Variants in SMYD3 observed in about 807,000 individuals in gnomAD.
SMYD3 encodes SET and MYND domain containing 3.
SMYD3 carries 36 observed loss-of-function variants against 57.7 expected under a neutral mutation model. The ratio of observed to expected loss-of-function variants is 0.62; its 90% CI spans 0.48 to 0.82. The LOEUF (loss-of-function observed/expected upper bound fraction) is 0.82. Ranked by LOEUF, SMYD3 falls within the 40% of genes least tolerant of loss-of-function variation. The probability of loss-of-function intolerance (pLI) is 0.00; values close to 1 mark genes in which losing one functional copy is unlikely to be tolerated. For missense variants in SMYD3, 515 were observed against 538.8 expected, an observed-to-expected ratio of 0.96 and a Z score of 0.44; for synonymous variants, 211 against 195.0, an observed-to-expected ratio of 1.08 and a Z score of -0.68.
At chr1:245,915,180 G>A (rs1009043440) in intron 8 of SMYD3, among the ~76,000 whole-genome samples, 3 of 152,050 alleles carry the variant, frequency 2.0e-5, no homozygotes, top group Non-Finnish European at 2.9e-5. Flanking sequence ...GTTGTTTACC[G>A]AGCAATAACT....
chr1:246,418,161 G>C (rs1317793167), intron 1 of SMYD3, among the ~76,000 whole-genome samples: 1 of 152,170 alleles, frequency 6.6e-6, no homozygotes, highest in Non-Finnish European at 1.5e-5. Context: ...GAGCCAGAGG[G>C]GGAGGAAAAA....
chr1:245,775,538 C>T (rs977280452), intron 10 of SMYD3, among the ~76,000 whole-genome samples: 2 of 150,920 alleles, frequency 1.3e-5, no homozygotes, highest in Non-Finnish European at 2.9e-5. Flanking sequence ...GTCATCACCA[C>T]TCCCTAATCT....
chr1:246,255,789 C>T lies in SMYD3; in HGVS notation c.531+71412G>A, dbSNP rs75254960. Among the ~76,000 whole-genome samples the T allele has an allele frequency of 2.1e-3, 157 of 74,206 alleles. 1 individual carries two copies. Among genetic ancestry groups the T allele is most frequent in the East Asian group, 6.0e-3 (4 of 664 alleles). The allele number at this position is 74,206 out of a possible 152,430, so 48.7% of individuals were successfully genotyped here. On this transcript the variant is annotated intron_variant, in intron 5 of 11. Transcript: ENST00000490107. ...TCTGGGGCATTTTTTTTTTTTTTTT[C>T]TAGTTGGTAGGTTTTAAATTACTGA...
At chr1:246,011,074 G>A (rs574388612) in intron 5 of SMYD3, among the ~76,000 whole-genome samples, 5 of 152,180 alleles carry the variant, frequency 3.3e-5, no homozygotes, top group East Asian at 1.9e-4. Flanking sequence ...ATTTTAAATC[G>A]TATTACAAAT....
chr1:246,283,500 T>C (rs2064495181), intron 5 of SMYD3, among the ~76,000 whole-genome samples: 2 of 152,308 alleles, frequency 1.3e-5, no homozygotes, highest in Admixed American at 6.5e-5. Context: ...TCACCACCCC[T>C]GCCTGCCAAT....
intron 5 of SMYD3, among the ~76,000 whole-genome samples, chr1:245,984,458 T>C (rs2058663855): frequency 6.6e-6 from 1 of 152,218 alleles, no homozygotes; most frequent in African/African-American, 2.4e-5. Context: ...TGCAAGGGCA[T>C]GTGCACTCAC....
At chr1:246,250,800 A>T (rs1322937753) in intron 5 of SMYD3, among the ~76,000 whole-genome samples, 1 of 152,214 alleles carries the variant, frequency 6.6e-6, no homozygotes, top group South Asian at 2.1e-4. Context: ...ATGATAGTTA[A>T]CTGCTTTAAG....
chr1:246,241,752 T>G (rs1305614081), intron 5 of SMYD3, among the ~76,000 whole-genome samples: 2 of 152,212 alleles, frequency 1.3e-5, no homozygotes, highest in Non-Finnish European at 2.9e-5. Flanking sequence ...AGCTATTAAT[T>G]ATTGCCTCAA....
intron 8 of SMYD3, among the ~76,000 whole-genome samples, chr1:245,905,023 C>G (rs192904071): frequency 1.8e-4 from 27 of 151,884 alleles, no homozygotes; most frequent in Middle Eastern, 3.4e-3. Context: ...TTGAAGGAAA[C>G]AACCCAGTCC....
chr1:246,060,334 T>C (rs948815460), intron 5 of SMYD3, among the ~76,000 whole-genome samples: 1 of 151,942 alleles, frequency 6.6e-6, no homozygotes, highest in Non-Finnish European at 1.5e-5. Flanking sequence ...ATTATATATC[T>C]GAGAAGATCT....
At chr1:246,028,897 G>T (rs1432810408) in intron 5 of SMYD3, among the ~76,000 whole-genome samples, 1 of 152,082 alleles carries the variant, frequency 6.6e-6, no homozygotes, top group Non-Finnish European at 1.5e-5. Flanking sequence ...CAAACCATTA[G>T]CATAGAATAG....
At chr1:246,077,479 C>T (rs1393465982) in intron 5 of SMYD3, among the ~76,000 whole-genome samples, 1 of 151,710 alleles carries the variant, frequency 6.6e-6, no homozygotes, top group Non-Finnish European at 1.5e-5. Context: ...GATTGCCTTA[C>T]CAAATTCAAG....
At position 246,120,823 on chromosome 1, in the gene SMYD3, T is replaced by C. The variant is rs138083248; in HGVS notation, c.532-190886A>G. On this transcript the variant is annotated intron_variant, in intron 5 of 11. Coordinates refer to ENST00000490107, the MANE Select transcript of SMYD3 (RefSeq NM_001167740.2). Reference sequence around the variant, plus strand: ...GGGTTAGTTATGTACACATCTGTCTTCCCTGCTAGGCTGTGAGATCCAGAA... The same window carrying C: ...GGGTTAGTTATGTACACATCTGTCTCCCCTGCTAGGCTGTGAGATCCAGAA... 2.3e-4 allele frequency among the ~76,000 whole-genome samples: 35 copies of C among 152,272 alleles called. 1 individual carries two copies. In the East Asian group the frequency reaches 6.6e-3, roughly 29 times the overall value.
chr1:246,257,809 G>A (rs2148514308), intron 5 of SMYD3, among the ~76,000 whole-genome samples: 1 of 152,150 alleles, frequency 6.6e-6, no homozygotes, highest in East Asian at 1.9e-4. Context: ...AAACTCTCAT[G>A]TTAAATTGTA....
chr1:246,043,888 G>A (rs1209056463), intron 5 of SMYD3, among the ~76,000 whole-genome samples: 2 of 152,114 alleles, frequency 1.3e-5, no homozygotes, highest in African/African-American at 4.8e-5. Context: ...GAGTGGACTG[G>A]ATAATGACTC....
chr1:245,936,040 C>T (rs916898188), intron 5 of SMYD3, among the ~76,000 whole-genome samples: 19 of 151,938 alleles, frequency 1.3e-4, no homozygotes, highest in Admixed American at 5.9e-4. Context: ...AATGCCTCAC[C>T]GTAAAAAATG....
At chr1:246,107,541 C>G (rs558061760) in intron 5 of SMYD3, among the ~76,000 whole-genome samples, 1 of 135,110 alleles carries the variant, frequency 7.4e-6, no homozygotes, top group Non-Finnish European at 1.7e-5. Context: ...TAGAATAAGT[C>G]CTTGAAATAA....
At chr1:245,832,641 G>A (rs2049902566) in intron 10 of SMYD3, among the ~76,000 whole-genome samples, 1 of 151,942 alleles carries the variant, frequency 6.6e-6, no homozygotes, top group African/African-American at 2.4e-5. Flanking sequence ...ATCACTCTTT[G>A]CCATCTGAGT....
intron 5 of SMYD3, among the ~76,000 whole-genome samples, chr1:246,127,559 T>C (rs954805447): frequency 5.3e-5 from 8 of 152,158 alleles, no homozygotes; most frequent in African/African-American, 1.9e-4. Context: ...CTAATTTCCT[T>C]ACTGGTCTAA....
Sources: allele counts gnomAD v4.1 joint callset (sites outside exome capture counted in the v4.1 genomes callset), GRCh38; gene constraint gnomAD v4.1.1; transcripts MANE v1.5; gene names NCBI Gene and HGNC (gene_info 2026-07-23, HGNC 2026-07-21).